Variants in DENND4A observed in about 807,000 individuals in gnomAD.
The protein encoded by DENND4A is C-myc promoter-binding protein.
Under a neutral mutation model 199.3 loss-of-function variants are expected in DENND4A, and 70 were observed. The observed-to-expected ratio is 0.35, with a 90% CI of 0.29 to 0.43. The LOEUF (loss-of-function observed/expected upper bound fraction) is 0.43. Ranked by LOEUF, DENND4A falls within the 20% of genes least tolerant of loss-of-function variation. The pLI, the probability that DENND4A is intolerant of heterozygous loss-of-function variation, is 1.00. For synonymous variants in DENND4A, 686 were observed against 766.9 expected (o/e 0.89, Z 1.74); for missense variants, 1,723 against 2,255.8 (o/e 0.76, Z 4.78).
At position 65,773,146 on chromosome 15, in the gene DENND4A, G is replaced by A. The variant is rs543917238; in HGVS notation, c.-101-11708C>T. Among the ~76,000 whole-genome samples, 3 of 152,252 alleles carry A rather than the reference G, an allele frequency of 2.0e-5. No homozygotes were observed. The South Asian group carries it at 6.2e-4, about 32-fold the overall frequency. ...ATGGCATAACTTTGGCTATGGTCTA[G>A]CCCTGAGGTTTGTTTCATATTTGTT... On this transcript the variant is annotated intron_variant, in intron 1 of 32. Coordinates refer to ENST00000443035, the MANE Select transcript of DENND4A (RefSeq NM_001320835.1).
At chr15:65,780,149 G>A (rs550213395) in intron 1 of DENND4A, among the ~76,000 whole-genome samples, 6 of 152,128 alleles carry the variant, frequency 3.9e-5, no homozygotes, top group Admixed American at 1.3e-4. Flanking sequence ...AGATCCGTAC[G>A]CCTTGGCCTC....
At chr15:65,780,167 G>A (rs965281739) in intron 1 of DENND4A, among the ~76,000 whole-genome samples, 2 of 152,142 alleles carry the variant, frequency 1.3e-5, no homozygotes, top group Non-Finnish European at 2.9e-5. Context: ...CTCCCAAAGC[G>A]TTGGGATTAC....
In DENND4A at chr15:65,756,268, C is replaced by T. The variant is rs554580513; in HGVS notation, c.183G>A (p.Gln61=). The change falls in exon 3 of 33, where the codon CAG becomes CAA. Residue 61 remains glutamine (Q), a synonymous_variant. Transcript: ENST00000443035. ...IIKSLGEEVP[Q]DYICIDVTPT... Reference sequence around the variant, plus strand: ...GGGTAACATCAATACAGATATAATCCTGTGGGACTTCCTCCCCAAGAGATT... The same window carrying T: ...GGGTAACATCAATACAGATATAATCTTGTGGGACTTCCTCCCCAAGAGATT... The T allele has an allele frequency of 2.8e-5, 45 of 1,613,086 alleles. No individual in the cohort carries two copies. In the Admixed American group the frequency reaches 5.3e-4, roughly 19 times the overall value.
At chr15:65,760,974 C>T (rs2076838212) in intron 2 of DENND4A, among the ~76,000 whole-genome samples, 1 of 152,068 alleles carries the variant, frequency 6.6e-6, no homozygotes, top group South Asian at 2.1e-4. Flanking sequence ...CCACCTTATC[C>T]TTGGAAATAA....
intron 4 of DENND4A, among the ~76,000 whole-genome samples, chr15:65,750,120 G>C (rs1158735016): frequency 2.0e-5 from 3 of 152,086 alleles, no homozygotes; most frequent in Non-Finnish European, 4.4e-5. Flanking sequence ...GAAATATAAA[G>C]AAATTTCCAT....
chr15:65,732,744 A>G lies in DENND4A; in HGVS notation c.1107+8T>C, dbSNP rs765117619. The G allele has an allele frequency of 8.3e-6, 13 of 1,575,438 alleles. No individual in the cohort carries two copies. The highest frequency in any genetic ancestry group is 1.1e-5 in the Non-Finnish European group (13 of 1,149,222). ...TAGGTCCCCCAATCAAAAACAAAAA[A>G]ACCTTACCTGAACTAAAATCCGTGG... On this transcript the variant is annotated splice_region_variant and intron_variant, in intron 8 of 32. Transcript: ENST00000443035.
At chr15:65,765,264 C>T (rs372661677) in intron 1 of DENND4A, among the ~76,000 whole-genome samples, 20 of 152,104 alleles carry the variant, frequency 1.3e-4, no homozygotes, top group African/African-American at 4.8e-4. Flanking sequence ...CACAAGAAAA[C>T]CCGGAATAGA....
In DENND4A at chr15:65,752,281, C is replaced by CAAAAAAAA. The variant is rs61418354; in HGVS notation, c.561+90_561+97dup. ...TCTGTAATTAAACTATGCTGTTTTC[C>CAAAAAAAA]AAAAAAAAAAAAAAAAAAAAAAAAA... On this transcript the variant is annotated intron_variant, in intron 4 of 32. Transcript: ENST00000443035. 8.1e-5 allele frequency: 22 copies of CAAAAAAAA among 272,680 alleles called. 1 individual carries two copies. The African/African-American group carries it at 1.3e-3, about 15-fold the overall frequency. The allele number at this position is 272,680 out of a possible 1,614,324, so 16.9% of individuals were successfully genotyped here.
chr15:65,788,237 C>A lies in DENND4A; in HGVS notation c.-102+3773G>T, dbSNP rs562240461. Among the ~76,000 whole-genome samples the A allele has an allele frequency of 5.3e-5, 8 of 152,072 alleles. No homozygotes were observed. In the South Asian group the frequency reaches 1.7e-3, roughly 32 times the overall value. On this transcript the variant is annotated intron_variant, in intron 1 of 32. Coordinates refer to ENST00000443035, the MANE Select transcript of DENND4A (RefSeq NM_001320835.1). ...GACTACAGGCGCCTGCCACCACGCC[C>A]GGCTAATTTTTTGTATTTTAGTAGA...
intron 14 of DENND4A, among the ~76,000 whole-genome samples, chr15:65,711,908 T>C (rs1241129339): frequency 1.3e-5 from 2 of 152,176 alleles, no homozygotes; most frequent in Non-Finnish European, 2.9e-5. Context: ...GCTCAGACTC[T>C]TGAGTAGCTG....
intron 23 of DENND4A, among the ~76,000 whole-genome samples, chr15:65,679,822 T>C (rs1258347575): frequency 1.3e-5 from 2 of 152,090 alleles, no homozygotes; most frequent in African/African-American, 4.8e-5. Flanking sequence ...TTAGAGTGCC[T>C]GGATGGGTAA....
chr15:65,751,634 T>C (rs2076565264), intron 4 of DENND4A, among the ~76,000 whole-genome samples: 1 of 152,082 alleles, frequency 6.6e-6, no homozygotes, highest in South Asian at 2.1e-4. Flanking sequence ...AGAAAGGGAA[T>C]GACTGGTGAG....
intron 4 of DENND4A, among the ~76,000 whole-genome samples, chr15:65,751,009 G>A (rs2076548112): frequency 1.3e-5 from 2 of 152,046 alleles, no homozygotes; most frequent in Admixed American, 6.6e-5. Context: ...ACTAAGAATA[G>A]TTTTTGCTTT....
chr15:65,664,416 G>A, intron 31 of DENND4A, 22 bp from the exon 32 acceptor site: 1 of 1,559,078 alleles, frequency 6.4e-7, no homozygotes, highest in South Asian at 1.1e-5. Flanking sequence ...AAGTCATGGA[G>A]AAAATATTAG....
At chr15:65,731,758 C>A in intron 8 of DENND4A, 58 bp from the exon 9 acceptor site, 2 of 1,194,966 alleles carry the variant, frequency 1.7e-6, no homozygotes, top group Non-Finnish European at 2.4e-6. Flanking sequence ...TAAAACACCA[C>A]TTTCTGTTAA....
chr15:65,712,032 T>A (rs2075267078), intron 14 of DENND4A, among the ~76,000 whole-genome samples: 2 of 152,222 alleles, frequency 1.3e-5, no homozygotes, highest in Non-Finnish European at 2.9e-5. Flanking sequence ...AATCACCATT[T>A]ATAACAGTGT....
chr15:65,740,634 GAAA>G (rs79666520), intron 5 of DENND4A, among the ~76,000 whole-genome samples: 1 of 94,978 alleles, frequency 1.1e-5, no homozygotes, highest in African/African-American at 3.9e-5. Flanking sequence ...GTCTTTAAAA[GAAA>G]AAAAAAAAAA....
At chr15:65,760,452 C>T (rs959336419) in intron 2 of DENND4A, among the ~76,000 whole-genome samples, 3 of 152,156 alleles carry the variant, frequency 2.0e-5, no homozygotes, top group East Asian at 3.8e-4. Context: ...GAGCTGAGAT[C>T]ATGCCACTGC....
chr15:65,701,508 A>G (rs1233244670), intron 18 of DENND4A, among the ~76,000 whole-genome samples: 1 of 152,210 alleles, frequency 6.6e-6, no homozygotes, highest in African/African-American at 2.4e-5. Flanking sequence ...TCAAGGCTAC[A>G]GTGAACCATG....
Sources: gnomAD v4.1 joint callset for allele counts (sites outside exome capture counted in the v4.1 genomes callset) on GRCh38, gnomAD v4.1.1 for gene constraint, MANE v1.5 for transcripts, NCBI Gene and HGNC (gene_info 2026-07-23, HGNC 2026-07-21) for gene names.